The following NAALADL2 variants were observed in gnomAD, a reference collection of about 807,000 sequenced individuals.
NAALADL2 encodes the protein inactive N-acetylated-alpha-linked acidic dipeptidase-like protein 2.
Under a neutral mutation model 87.2 loss-of-function variants are expected in NAALADL2, and 76 were observed. The observed-to-expected ratio is 0.87, with a 90% CI of 0.72 to 1.05. NAALADL2 has a LOEUF of 1.05. Ranked by LOEUF, NAALADL2 falls within the 50% of genes least tolerant of loss-of-function variation. NAALADL2 has a pLI of 0.00. For missense variants in NAALADL2, 1,089 were observed against 945.8 expected, an observed-to-expected ratio of 1.15 and a Z score of -1.99; for synonymous variants, 354 against 331.0, an observed-to-expected ratio of 1.07 and a Z score of -0.75.
intron 2 of NAALADL2, among the ~76,000 whole-genome samples, chr3:174,611,366 C>G (rs1156634467): frequency 6.6e-6 from 1 of 152,090 alleles, no homozygotes; most frequent in Non-Finnish European, 1.5e-5. Flanking sequence ...ACACACTCTA[C>G]AACTTAACTT....
At chr3:175,605,919 CA>C (rs1723672108) in intron 10 of NAALADL2, among the ~76,000 whole-genome samples, 1 of 152,076 alleles carries the variant, frequency 6.6e-6, no homozygotes, top group Admixed American at 6.6e-5. Flanking sequence ...CCCTGTAGCT[CA>C]GTATCCTTTG....
rs116102131 is a variant in NAALADL2, at chr3:175,241,426, C to T, written c.819+7222C>T. On this transcript the variant is annotated intron_variant, in intron 3 of 13. Transcript: ENST00000454872. ...AGTAGGGATGGGGTTTCAACATGTT[C>T]ACCATGCTGGTCTGGAACTCCTGAC... Among the ~76,000 whole-genome samples the T allele has an allele frequency of 7.8e-3, 1,177 of 151,826 alleles. 12 individuals carry two copies. Among genetic ancestry groups the T allele is most frequent in the Non-Finnish European group, 0.012 (811 of 67,914 alleles).
At chr3:175,598,712 T>A (rs1722569257) in intron 10 of NAALADL2, among the ~76,000 whole-genome samples, 3 of 152,246 alleles carry the variant, frequency 2.0e-5, no homozygotes, top group African/African-American at 7.2e-5. Context: ...GAAATATATA[T>A]GATGTTCTCA....
At chr3:174,642,749 CATATATATATATATATATATAT>C (rs71624288) in intron 2 of NAALADL2, among the ~76,000 whole-genome samples, 3,176 of 130,278 alleles carry the variant, frequency 0.024, 117 homozygotes, top group African/African-American at 0.06. Context: ...TGAAAAAAAA[CATATATATATATATATATATAT>C]ATATATATAT....
chr3:175,585,614 T>A (rs541786503), intron 10 of NAALADL2, among the ~76,000 whole-genome samples: 13 of 152,290 alleles, frequency 8.5e-5, no homozygotes, highest in African/African-American at 2.9e-4. Context: ...TATAACTAGA[T>A]TCTATGCATC....
intron 3 of NAALADL2, among the ~76,000 whole-genome samples, chr3:175,241,655 T>G (rs1376985652): frequency 6.6e-6 from 1 of 152,106 alleles, no homozygotes; most frequent in South Asian, 2.1e-4. Context: ...CACAACATAT[T>G]GTACATAGTT....
intron 1 of NAALADL2, among the ~76,000 whole-genome samples, chr3:174,956,055 T>C (rs1439059059): frequency 6.6e-6 from 1 of 152,020 alleles, no homozygotes; most frequent in Non-Finnish European, 1.5e-5. Flanking sequence ...CAAAATATGA[T>C]ATGGAAAACA....
rs548719743 is a variant in NAALADL2, at chr3:175,118,444, T to C, written c.545+21153T>C. 4.0e-5 allele frequency among the ~76,000 whole-genome samples: 6 copies of C among 151,352 alleles called. No homozygotes were observed. The East Asian group carries it at 1.2e-3, about 30-fold the overall frequency. ...AGCATAAAAATAAATAAAATAAAAC[T>C]GGCCTTGGGAAAAACTATAAATTAT... is the stretch of plus-strand genomic sequence containing the variant. On this transcript the variant is annotated intron_variant, in intron 2 of 13. Coordinates refer to ENST00000454872, the MANE Select transcript of NAALADL2 (RefSeq NM_207015.3).
intron 11 of NAALADL2, among the ~76,000 whole-genome samples, chr3:175,668,845 T>A (rs1475855956): frequency 1.3e-5 from 2 of 152,152 alleles, no homozygotes; most frequent in African/African-American, 4.8e-5. Context: ...CTTACATGTT[T>A]GTGTATTTGT....
At chr3:174,647,079 T>A (rs536725721) in intron 2 of NAALADL2, among the ~76,000 whole-genome samples, 335 of 152,316 alleles carry the variant, frequency 2.2e-3, no homozygotes, top group Non-Finnish European at 4.1e-3. Context: ...TTACTATAGT[T>A]TAAATAACAA....
chr3:174,852,943 G>C (rs975231307), intron 3 of NAALADL2, among the ~76,000 whole-genome samples: 4 of 152,064 alleles, frequency 2.6e-5, no homozygotes, highest in African/African-American at 9.7e-5. Flanking sequence ...AAGTTGCCAA[G>C]AACATGAATT....
At chr3:175,632,319 T>C (rs1727904971) in intron 11 of NAALADL2, among the ~76,000 whole-genome samples, 1 of 149,592 alleles carries the variant, frequency 6.7e-6, no homozygotes, top group African/African-American at 2.5e-5. Context: ...TCCTACTCCC[T>C]AATGGTAAGA....
intron 9 of NAALADL2, among the ~76,000 whole-genome samples, chr3:175,480,392 C>G (rs1309546875): frequency 6.6e-6 from 1 of 151,842 alleles, no homozygotes; most frequent in African/African-American, 2.4e-5. Flanking sequence ...GCAACTCTAA[C>G]TCATTTGTCT....
At chr3:174,928,091 A>G (rs1195996485) in intron 1 of NAALADL2, among the ~76,000 whole-genome samples, 1 of 152,192 alleles carries the variant, frequency 6.6e-6, no homozygotes. Context: ...AAAAGTCAGG[A>G]AATACAAATT....
At chr3:174,779,322 G>GTTT (rs200228189) in intron 3 of NAALADL2, among the ~76,000 whole-genome samples, 17 of 151,142 alleles carry the variant, frequency 1.1e-4, no homozygotes, top group African/African-American at 4.1e-4. Context: ...TTTTGATGGG[G>GTTT]TTGTTTTTTT....
intron 9 of NAALADL2, among the ~76,000 whole-genome samples, chr3:175,508,595 T>C (rs1323324092): frequency 2.0e-5 from 3 of 152,130 alleles, no homozygotes; most frequent in Non-Finnish European, 2.9e-5. Context: ...AACGTAATTG[T>C]TTTTATTTTC....
At chr3:175,521,870 G>A (rs1308071534) in intron 9 of NAALADL2, among the ~76,000 whole-genome samples, 1 of 152,110 alleles carries the variant, frequency 6.6e-6, no homozygotes, top group Non-Finnish European at 1.5e-5. Flanking sequence ...AGTTTGCAGT[G>A]CTTTGTCACA....
In NAALADL2 at chr3:175,807,620, G is replaced by A. The variant is rs374253224; in HGVS notation, c.*4417G>A. 8 of 151,856 alleles carry A rather than the reference G, an allele frequency of 5.3e-5. No individual in the cohort carries two copies. Among genetic ancestry groups the A allele is most frequent in the East Asian group, 3.9e-4 (2 of 5,168 alleles). 9.4% of individuals were successfully genotyped at this position (151,856 alleles called of 1,614,324 possible). A position where few individuals can be genotyped will look rare whatever the true frequency, so the allele number is the denominator to read the frequency against. ...AATCCATATGTTGAGTGGAAAGGAA[G>A]TTGGCCCACATATTCCAATAAATAT... On this transcript the variant is annotated 3_prime_UTR_variant, in exon 14 of 14. Transcript: ENST00000454872.
At chr3:174,628,872 GA>G (rs1359991240) in intron 2 of NAALADL2, among the ~76,000 whole-genome samples, 2 of 152,240 alleles carry the variant, frequency 1.3e-5, no homozygotes, top group East Asian at 3.9e-4. Context: ...ACTTTTTAAG[GA>G]ATATGTGTAA....
Sources: allele counts gnomAD v4.1 joint callset (sites outside exome capture counted in the v4.1 genomes callset), GRCh38; gene constraint gnomAD v4.1.1; transcripts MANE v1.5; gene names NCBI Gene and HGNC (gene_info 2026-07-23, HGNC 2026-07-21).